Variants in C9orf78 observed in about 807,000 individuals in gnomAD.
The protein encoded by C9orf78 is chromosome 9 open reading frame 78, also known as splicing factor C9orf78.
A neutral mutation model predicts 37.4 loss-of-function variants in C9orf78; 19 were observed. That is an observed-to-expected ratio of 0.51 (90% CI 0.35 to 0.74). The LOEUF is 0.74. C9orf78 is among the 30% of genes least tolerant of loss of function. The pLI is 0.01. For missense variants in C9orf78, 291 were observed against 370.8 expected (o/e 0.78, Z 1.77); for synonymous variants, 130 against 128.0 (o/e 1.02, Z -0.10).
intron 5 of C9orf78, 76 bp downstream of exon 5, chr9:129,831,820 A>T (rs1200822715): frequency 3.8e-6 from 3 of 790,280 alleles, no homozygotes; most frequent in Non-Finnish European, 7.0e-6. Flanking sequence ...TAGAAATGTC[A>T]TCTGTTGACT....
intron 5 of C9orf78, chr9:129,831,626 G>A: frequency 2.8e-6 from 1 of 355,996 alleles, no homozygotes; most frequent in South Asian, 3.2e-5. Flanking sequence ...GTTTCTCCAT[G>A]TTGGTCAGTC....
In C9orf78 at chr9:129,831,078, G is replaced by A. The variant is rs200375293; in HGVS notation, c.345-10C>T. On this transcript the variant is annotated splice_polypyrimidine_tract_variant and intron_variant, in intron 5 of 8. Transcript: ENST00000372447. ...CTCAATGTACTTCATCCTGAAGTGA[G>A]AAACCCAGAGGCCTCAGGGAGGGGT... 3.8e-6 allele frequency: 6 copies of A among 1,587,894 alleles called. No individual in the cohort carries two copies. The East Asian group carries it at 1.1e-4, about 30-fold the overall frequency.
At chr9:129,833,983 T>C in intron 2 of C9orf78, 1 of 436,694 alleles carries the variant, frequency 2.3e-6, no homozygotes, top group South Asian at 3.4e-5. Context: ...GGAAATCTCA[T>C]TTCTAAGATA....
intron 5 of C9orf78, among the ~76,000 whole-genome samples, 165 bp from the exon 6 acceptor site, chr9:129,831,233 A>C (rs1370063182): frequency 2.0e-5 from 3 of 152,190 alleles, no homozygotes; most frequent in African/African-American, 2.4e-5. Context: ...TTTTCTAAAG[A>C]AGCACCAACC....
At chr9:129,835,047 G>A in intron 1 of C9orf78, 92 bp downstream of exon 1, 2 of 1,064,332 alleles carry the variant, frequency 1.9e-6, no homozygotes, top group East Asian at 2.4e-5. Context: ...CGAGCTCACA[G>A]TTAACAATGT....
At position 129,830,912 on chromosome 9, in the gene C9orf78, G is replaced by A; in HGVS notation, c.501C>T (p.Asn167=). Residue 167 remains asparagine, a synonymous_variant, in exon 6 of 9, where the codon AAC becomes AAT. Coordinates refer to ENST00000372447, the MANE Select transcript of C9orf78 (RefSeq NM_016520.3). ...CCTCAGGAATGCCACTCAGCATCTG[G>A]TTGGAAAGCATCTCCTCGGTCTTCT... The part of the protein sequence containing the change: ...SAKKTEEMLS[N]QMLSGIPEVD... The A allele has an allele frequency of 6.2e-7, 1 of 1,613,932 alleles. No homozygotes were observed. Among genetic ancestry groups the A allele is most frequent in the East Asian group, 2.2e-5 (1 of 44,884 alleles).
intron 5 of C9orf78, 99 bp downstream of exon 5, chr9:129,831,797 T>A: frequency 1.3e-6 from 1 of 760,652 alleles, no homozygotes; most frequent in Non-Finnish European, 2.4e-6. Flanking sequence ...CTTTGACATC[T>A]TCTAGAAAAT....
Position 129,828,175 on chromosome 9 carries a change from T to G in C9orf78, c.856A>C (p.Asn286His). The change falls in exon 9 of 9, where the codon AAT becomes CAT. Residue 286 changes from asparagine to histidine, a missense_variant. Asn to His is a moderately conservative substitution (Grantham distance 68, BLOSUM62 1). Around this residue, in one of 3 missense-constraint regions of C9orf78, gnomAD observed 120 missense variants for 148.7 expected, o/e 0.81. Coordinates refer to ENST00000372447, the MANE Select transcript of C9orf78 (RefSeq NM_016520.3). Reference sequence around the variant, plus strand: ...CTCTGCACAACTCAGTACCGCCTATTCATTTTCTTGAACTTCTCATAATGA... The same window carrying G: ...CTCTGCACAACTCAGTACCGCCTATGCATTTTCTTGAACTTCTCATAATGA... Reference protein sequence around the residue: ...DYHYEKFKKMNRRY With the variant: ...DYHYEKFKKMHRRY 1 of 1,590,104 alleles carries G rather than the reference T, an allele frequency of 6.3e-7. No individual in the cohort carries two copies. Among genetic ancestry groups the G allele is most frequent in the Non-Finnish European group, 8.6e-7 (1 of 1,159,230 alleles).
In C9orf78 at chr9:129,828,236, G is replaced by T; in HGVS notation, c.795C>A (p.Arg265=). 6.2e-7 allele frequency: 1 copy of T among 1,602,954 alleles called. No individual in the cohort carries two copies. Among genetic ancestry groups the T allele is most frequent in the Non-Finnish European group, 8.5e-7 (1 of 1,171,102 alleles). Residue 265 remains arginine (R), a synonymous_variant, in exon 9 of 9, where the codon CGC becomes CGA. Coordinates refer to ENST00000372447, the MANE Select transcript of C9orf78 (RefSeq NM_016520.3). The stretch of plus-strand genomic sequence containing the variant: ...TTGCCTTCTCGTTAGCAGGACGCTT[G>T]CGGTTAGGAGGGGACCCTGAGAAGG... ...KPEPERSPPN[R]KRPANEKATD...
At chr9:129,832,451 TTTA>T (rs2031525301) in intron 4 of C9orf78, among the ~76,000 whole-genome samples, 1 of 152,246 alleles carries the variant, frequency 6.6e-6, no homozygotes, top group Non-Finnish European at 1.5e-5. Flanking sequence ...GATTTATTAA[TTTA>T]TTGAGACGGA....
At chr9:129,835,093 C>T (rs755867968) in intron 1 of C9orf78, 46 bp downstream of exon 1, 1 of 1,437,702 alleles carries the variant, frequency 7.0e-7, no homozygotes, top group Non-Finnish European at 9.8e-7. Flanking sequence ...GTCCCCCAAA[C>T]AAGTCTATCT....
chr9:129,832,659 G>C (rs34862553), intron 4 of C9orf78, among the ~76,000 whole-genome samples: 4 of 151,958 alleles, frequency 2.6e-5, no homozygotes, highest in African/African-American at 9.7e-5. Context: ...GGCTGGTCTC[G>C]AACTCCTGAC....
At chr9:129,829,928 G>A (rs571385183) in intron 6 of C9orf78, 29 of 166,110 alleles carry the variant, frequency 1.7e-4, no homozygotes, top group Non-Finnish European at 1.4e-4. Flanking sequence ...GGGGAGAAGG[G>A]GTGAGTGAGC....
At chr9:129,831,586 A>G (rs56038121) in intron 5 of C9orf78, 3,516 of 274,012 alleles carry the variant, frequency 0.013, 33 homozygotes, top group Middle Eastern at 0.019. Context: ...TACCACACCC[A>G]GCTAATTTTG....
At chr9:129,830,324 C>T (rs1039261122) in intron 6 of C9orf78, 2 of 156,412 alleles carry the variant, frequency 1.3e-5, no homozygotes, top group Admixed American at 6.2e-5. Context: ...GCAATCATGG[C>T]TCACTGTAGC....
In C9orf78 at chr9:129,830,991, T is replaced by C. The variant is rs1359674462; in HGVS notation, c.422A>G (p.Asn141Ser). The C allele has an allele frequency of 3.1e-6, 5 of 1,612,634 alleles. No homozygotes were observed. Among genetic ancestry groups the C allele is most frequent in the Admixed American group, 3.3e-5 (2 of 59,994 alleles). Residue 141 changes from asparagine to serine, a missense_variant, in exon 6 of 9, where the codon AAT (asparagine) becomes AGT (serine). Asn to Ser is a conservative substitution (Grantham distance 46, BLOSUM62 1). Transcript: ENST00000372447. ...EHEEQKVKPK[N>S]AEDCLYELPE... Reference sequence around the variant, plus strand: ...AAGTTCATAAAGACAGTCCTCTGCATTCTTTGGCTTAACTTTCTGTTCCTC... The same window carrying C: ...AAGTTCATAAAGACAGTCCTCTGCACTCTTTGGCTTAACTTTCTGTTCCTC...
rs751052761 is a variant in C9orf78 at position 129,834,751 on chromosome 9, C to G, written c.99G>C (p.Glu33Asp). 7.4e-6 allele frequency: 12 copies of G among 1,610,814 alleles called. No homozygotes were observed. Among genetic ancestry groups the G allele is most frequent in the Middle Eastern group, 1.7e-4 (1 of 6,022 alleles). ...TCCTCAAGTTCTGTACCTCTCTGGTCTCTTCCAGTTTTAATCTTTAAAAAG... is the reference window on the plus strand; with the variant it reads ...TCCTCAAGTTCTGTACCTCTCTGGTGTCTTCCAGTTTTAATCTTTAAAAAG... ...DSEEVRLKLE[E>D]TREVQNLRKR... is the part of the protein sequence containing the mutation. The change falls in exon 2 of 9, where the codon GAG becomes GAC. Residue 33 changes from glutamate to aspartate, a missense_variant. Glu to Asp is a conservative substitution (Grantham distance 45). Transcript: ENST00000372447.
intron 4 of C9orf78, among the ~76,000 whole-genome samples, chr9:129,832,379 AGTT>A (rs3054826): frequency 0.23 from 34,752 of 151,974 alleles, 4,038 homozygotes; most frequent in Middle Eastern, 0.27. Context: ...AATGCTATAT[AGTT>A]GTCACAAAAG....
intron 4 of C9orf78, among the ~76,000 whole-genome samples, chr9:129,833,030 C>T (rs1392836789): frequency 1.4e-5 from 2 of 142,680 alleles, no homozygotes; most frequent in Non-Finnish European, 3.0e-5. Flanking sequence ...TGTGTATATA[C>T]ATGTGTGTAT....
Sources: allele counts gnomAD v4.1 joint callset (sites outside exome capture counted in the v4.1 genomes callset), GRCh38; gene constraint gnomAD v4.1.1; regional missense constraint gnomAD v4.1.1; transcripts MANE v1.5; gene names NCBI Gene and HGNC (gene_info 2026-07-23, HGNC 2026-07-21).